Variants in ABCE1 observed in about 807,000 individuals in gnomAD.
The protein encoded by ABCE1 is ATP-binding cassette sub-family E member 1.
In ABCE1, 22 loss-of-function variants were observed where a neutral mutation model predicts 83.4. The ratio of observed to expected loss-of-function variants is 0.26; its 90% CI spans 0.19 to 0.38. The LOEUF (loss-of-function observed/expected upper bound fraction) is 0.38, where lower values mean the gene tolerates loss of function less well. Ranked by LOEUF, ABCE1 falls within the 10% of genes least tolerant of loss-of-function variation. The pLI is 1.00. For missense variants in ABCE1, 330 were observed against 721.9 expected, an observed-to-expected ratio of 0.46 and a Z score of 6.22; for synonymous variants, 204 against 233.7, an observed-to-expected ratio of 0.87 and a Z score of 1.16.
At chr4:145,124,415 A>G (rs1389599265) in intron 16 of ABCE1, among the ~76,000 whole-genome samples, 1 of 151,922 alleles carries the variant, frequency 6.6e-6, no homozygotes, top group Non-Finnish European at 1.5e-5. Flanking sequence ...ATTTCTTAGC[A>G]TATGTGATGT....
Position 145,112,240 on chromosome 4 carries a change from T to C in ABCE1, c.712T>C (p.Phe238Leu). 6.5e-7 allele frequency: 1 copy of C among 1,549,528 alleles called. No homozygotes were observed. Among genetic ancestry groups the C allele is most frequent in the Admixed American group, 2.1e-5 (1 of 46,712 alleles). ...GCTTTTTTTTTTTTTTTTTCATAGTTTCATGTTTGATGAGCCTTCTAGTTA... is the reference window on the plus strand; with the variant it reads ...GCTTTTTTTTTTTTTTTTTCATAGTCTCATGTTTGATGAGCCTTCTAGTTA... Reference protein sequence around the residue: ...AVVCIQKADIFMFDEPSSYLD... With the variant: ...AVVCIQKADILMFDEPSSYLD... The change falls in exon 9 of 18, where the codon TTC (phenylalanine) becomes CTC (leucine). Residue 238 changes from phenylalanine to leucine, a missense_variant and splice_region_variant. Phe to Leu is a conservative substitution (Grantham distance 22). Transcript: ENST00000296577.
intron 8 of ABCE1, 104 bp from the exon 9 acceptor site, chr4:145,112,135 G>A (rs138770456): frequency 7.0e-5 from 51 of 730,650 alleles, no homozygotes; most frequent in Non-Finnish European, 9.8e-5. Context: ...TTGTGTTGTG[G>A]TTAACTCAAA....
At position 145,108,241 on chromosome 4, in the gene ABCE1, ACAT is replaced by A. The variant is rs915379532; in HGVS notation, c.287+133_287+135del. 1.0e-5 allele frequency: 8 copies of A among 788,526 alleles called. No individual in the cohort carries two copies. In the African/African-American group the frequency reaches 1.2e-4, roughly 12 times the overall value. The allele number at this position is 788,526 out of a possible 1,614,324, so 48.8% of individuals were successfully genotyped here. On this transcript the variant is annotated intron_variant, in intron 4 of 17. Coordinates refer to ENST00000296577, the MANE Select transcript of ABCE1 (RefSeq NM_002940.3). ...CACTAAAGGAAAATACAATATTATA[ACAT>A]CATGCAGAATCATACTGCATATGTC...
intron 13 of ABCE1, chr4:145,122,032 C>A (rs1173006858): frequency 1.3e-5 from 2 of 152,110 alleles, no homozygotes; most frequent in Non-Finnish European, 2.9e-5. Context: ...CAATAAAGGA[C>A]TTGTATCCAG....
chr4:145,121,540 C>A, intron 13 of ABCE1, 149 bp downstream of exon 13: 1 of 623,284 alleles, frequency 1.6e-6, no homozygotes, highest in Non-Finnish European at 2.8e-6. Context: ...GAGTCCAATC[C>A]TTGATTCATA....
intron 1 of ABCE1, among the ~76,000 whole-genome samples, chr4:145,103,592 G>A (rs1395757046): frequency 6.6e-6 from 1 of 152,058 alleles, no homozygotes; most frequent in African/African-American, 2.4e-5. Context: ...ATGATTATTT[G>A]CCATTTCTGT....
At chr4:145,112,174 A>G in intron 8 of ABCE1, 65 bp from the exon 9 acceptor site, 2 of 1,157,978 alleles carry the variant, frequency 1.7e-6, no homozygotes, top group Non-Finnish European at 2.4e-6. Flanking sequence ...GCTTTAAAAT[A>G]GTATGTAAGG....
chr4:145,127,903 G>A lies in ABCE1; in HGVS notation c.*330G>A, dbSNP rs1476048146. On this transcript the variant is annotated 3_prime_UTR_variant, in exon 18 of 18. Transcript: ENST00000296577. ...TTCACGGTACCAAATGCTGACCAGTGTTGCTCCATTTTTTAAATCTTGAAA... is the reference window on the plus strand; with the variant it reads ...TTCACGGTACCAAATGCTGACCAGTATTGCTCCATTTTTTAAATCTTGAAA... The A allele has an allele frequency of 1.7e-5, 3 of 174,834 alleles. No homozygotes were observed. Among genetic ancestry groups the A allele is most frequent in the Non-Finnish European group, 2.4e-5 (2 of 83,458 alleles). 10.8% of individuals were successfully genotyped at this position (174,834 alleles called of 1,614,324 possible). A position where few individuals can be genotyped will look rare whatever the true frequency, so the allele number is the denominator to read the frequency against.
At chr4:145,112,640 A>G (rs1365083989) in intron 9 of ABCE1, among the ~76,000 whole-genome samples, 1 of 152,156 alleles carries the variant, frequency 6.6e-6, no homozygotes, top group African/African-American at 2.4e-5. Context: ...ATTTTCACAC[A>G]CACAACACAC....
At position 145,127,727 on chromosome 4, in the gene ABCE1, T is replaced by G; in HGVS notation, c.*154T>G. 4.0e-6 allele frequency: 2 copies of G among 505,940 alleles called. No individual in the cohort carries two copies. Among genetic ancestry groups the G allele is most frequent in the Non-Finnish European group, 6.6e-6 (2 of 303,964 alleles). 31.3% of individuals were successfully genotyped at this position (505,940 alleles called of 1,614,324 possible). A position where few individuals can be genotyped will look rare whatever the true frequency, so the allele number is the denominator to read the frequency against. ...ATAACATAAAAAGCCAGTTGGGTTC[T>G]AAATTGTAGTTGAAACACAGAAAAT... On this transcript the variant is annotated 3_prime_UTR_variant, in exon 18 of 18. Coordinates refer to ENST00000296577, the MANE Select transcript of ABCE1 (RefSeq NM_002940.3).
At chr4:145,111,345 A>G (rs1026773908) in intron 8 of ABCE1, among the ~76,000 whole-genome samples, 2 of 152,170 alleles carry the variant, frequency 1.3e-5, no homozygotes, top group African/African-American at 4.8e-5. Flanking sequence ...TTTTTTTGAG[A>G]CGGAGTCTCG....
At chr4:145,098,955 T>C (rs1484067888) in intron 1 of ABCE1, among the ~76,000 whole-genome samples, 1 of 152,238 alleles carries the variant, frequency 6.6e-6, no homozygotes, top group Non-Finnish European at 1.5e-5. Flanking sequence ...GATGCCCACA[T>C]GTCACTCTGC....
intron 7 of ABCE1, 33 bp from the exon 8 acceptor site, chr4:145,110,935 A>G: frequency 6.9e-7 from 1 of 1,456,658 alleles, no homozygotes; most frequent in Non-Finnish European, 9.5e-7. Flanking sequence ...GAGGTGAAAT[A>G]CATTGAGCAC....
At chr4:145,119,088 A>G (rs1439652722) in intron 10 of ABCE1, among the ~76,000 whole-genome samples, 1 of 151,860 alleles carries the variant, frequency 6.6e-6, no homozygotes, top group Admixed American at 6.6e-5. Flanking sequence ...AAATAAATGT[A>G]ATCTGTTCAT....
At chr4:145,112,372 AT>A in intron 9 of ABCE1, 44 bp downstream of exon 9, 2 of 1,296,278 alleles carry the variant, frequency 1.5e-6, no homozygotes, top group Non-Finnish European at 2.2e-6. Context: ...TTGTTTGGAG[AT>A]TTTTACAGAT....
intron 9 of ABCE1, among the ~76,000 whole-genome samples, chr4:145,114,097 G>T (rs1749551038): frequency 6.6e-6 from 1 of 152,116 alleles, no homozygotes; most frequent in Non-Finnish European, 1.5e-5. Context: ...ACTTTGAAGT[G>T]AAACTTAGAA....
At chr4:145,120,473 AATGGTG>A (rs1468298298) in intron 11 of ABCE1, among the ~76,000 whole-genome samples, 12 of 152,106 alleles carry the variant, frequency 7.9e-5, no homozygotes, top group African/African-American at 2.4e-4. Flanking sequence ...GGAAAGGATA[AATGGTG>A]ATTCAGAAAT....
At chr4:145,123,730 C>A in intron 16 of ABCE1, 130 bp downstream of exon 16, 1 of 922,246 alleles carries the variant, frequency 1.1e-6, no homozygotes, top group Non-Finnish European at 1.6e-6. Context: ...CTCCTGAGAT[C>A]ATTGGTATTG....
chr4:145,112,403 G>A, intron 9 of ABCE1, 75 bp downstream of exon 9: 1 of 1,001,522 alleles, frequency 1.0e-6, no homozygotes, highest in South Asian at 1.6e-5. Flanking sequence ...TTAAACACTG[G>A]GACTGTCAAT....
Sources: allele counts gnomAD v4.1 joint callset (sites outside exome capture counted in the v4.1 genomes callset), GRCh38; gene constraint gnomAD v4.1.1; transcripts MANE v1.5; gene names NCBI Gene and HGNC (gene_info 2026-07-23, HGNC 2026-07-21).